Variants in DOCK9 observed in about 807,000 individuals in gnomAD.
DOCK9 encodes dedicator of cytokinesis protein 9.
In DOCK9, 89 loss-of-function variants were observed where a neutral mutation model predicts 263.3. That is an observed-to-expected ratio of 0.34 (90% confidence interval 0.28 to 0.40). The LOEUF is 0.40. Among genes scored for constraint, DOCK9 ranks in the 10% least tolerant of loss-of-function variants. DOCK9 has a pLI of 1.00. For missense variants in DOCK9, 2,140 were observed against 2,603.4 expected (o/e 0.82, Z 3.87); for synonymous variants, 976 against 973.1 (o/e 1.00, Z -0.06).
intron 24 of DOCK9, 109 bp from the exon 25 acceptor site, chr13:98,881,736 A>G (rs2044794497): frequency 1.5e-6 from 2 of 1,290,382 alleles, no homozygotes; most frequent in Non-Finnish European, 2.2e-6. Context: ...CTTAGGAAAC[A>G]AGGAGACAAG....
chr13:98,810,320 A>C (rs765011416), intron 45 of DOCK9, 29 bp from the exon 46 acceptor site: 1 of 1,611,472 alleles, frequency 6.2e-7, no homozygotes, highest in African/African-American at 1.3e-5. Context: ...CAACAGCAAG[A>C]GAAGAGCGTT....
intron 49 of DOCK9, among the ~76,000 whole-genome samples, chr13:98,802,243 T>A (rs1203196076): frequency 1.3e-5 from 2 of 152,208 alleles, no homozygotes; most frequent in Non-Finnish European, 2.9e-5. Context: ...TTATCATCTG[T>A]CTCCTCTGGC....
In DOCK9 at chr13:99,011,698, T is replaced by C. The variant is rs147418279; in HGVS notation, c.130-56147A>G. Among the ~76,000 whole-genome samples, 32 of 152,118 alleles carry C rather than the reference T, an allele frequency of 2.1e-4. No individual in the cohort carries two copies. The East Asian group carries it at 5.3e-3, about 25-fold the overall frequency. Reference sequence around the variant, plus strand: ...GGCAAGTACCATTATTATCTACAAATAGCAGATAAGGAAACTGAGGAACAG... The same window carrying C: ...GGCAAGTACCATTATTATCTACAAACAGCAGATAAGGAAACTGAGGAACAG... On this transcript the variant is annotated intron_variant, in intron 1 of 32. Coordinates refer to the DOCK9 transcript ENST00000427887.
At chr13:98,844,409 G>A (rs1220346543) in intron 38 of DOCK9, among the ~76,000 whole-genome samples, 2 of 151,932 alleles carry the variant, frequency 1.3e-5, no homozygotes, top group Non-Finnish European at 2.9e-5. Context: ...TGTCACCCAG[G>A]CTGGAGTGCA....
Position 99,013,164 on chromosome 13 carries a change from T to C in DOCK9, c.130-57613A>G, listed in dbSNP as rs563342412. ...TGTTTCCCAGGCTGGAGTGCAGTGGTGCACTCACAGCTCACTGTAAACTTG... is the reference window on the plus strand; with the variant it reads ...TGTTTCCCAGGCTGGAGTGCAGTGGCGCACTCACAGCTCACTGTAAACTTG... On this transcript the variant is annotated intron_variant, in intron 1 of 32. Transcript: ENST00000427887. Among the ~76,000 whole-genome samples, 148 of 152,244 alleles carry C rather than the reference T, an allele frequency of 9.7e-4. 2 individuals carry two copies. The highest frequency in any genetic ancestry group is 3.4e-3 in the African/African-American group (141 of 41,542).
At chr13:98,833,596 A>G (rs1297871512) in intron 39 of DOCK9, among the ~76,000 whole-genome samples, 2 of 152,086 alleles carry the variant, frequency 1.3e-5, no homozygotes, top group African/African-American at 4.8e-5. Flanking sequence ...TGATCTCAAA[A>G]CTTGTTTGCA....
chr13:98,981,586 C>T (rs1466643050), upstream of DOCK9, among the ~76,000 whole-genome samples: 1 of 152,210 alleles, frequency 6.6e-6, no homozygotes, highest in Non-Finnish European at 1.5e-5. Flanking sequence ...GCTGGCCCAC[C>T]TTATGAAAGA....
intron 30 of DOCK9, among the ~76,000 whole-genome samples, chr13:98,865,600 A>G (rs2093998374): frequency 6.6e-6 from 1 of 152,144 alleles, no homozygotes; most frequent in Non-Finnish European, 1.5e-5. Flanking sequence ...AGTCTATAAG[A>G]GCTTGTGCTG....
chr13:98,881,996 C>T lies in DOCK9; in HGVS notation c.2571G>A (p.Ala857=), dbSNP rs763889573. ...AGGCGATCATCACGTGGCCTTCCAT[C>T]GCATGCAGACTCTACGGACACAGAA... The part of the protein sequence containing the change: ...ELVKYLKSLH[A]MEGHVMIAFL... The change falls in exon 24 of 53, where the codon GCG becomes GCA. Residue 857 remains alanine, a synonymous_variant. Transcript: ENST00000682017. 1.4e-5 allele frequency: 22 copies of T among 1,588,590 alleles called. No individual in the cohort carries two copies. Among genetic ancestry groups the T allele is most frequent in the Admixed American group, 1.8e-5 (1 of 56,288 alleles).
At chr13:98,799,398 T>C (rs1437059889) in intron 50 of DOCK9, among the ~76,000 whole-genome samples, 3 of 152,118 alleles carry the variant, frequency 2.0e-5, no homozygotes, top group African/African-American at 7.2e-5. Context: ...TATATACACT[T>C]AAAAATACCA....
At chr13:99,072,651 C>A (rs769168563) in intron 1 of DOCK9, among the ~76,000 whole-genome samples, 1 of 152,142 alleles carries the variant, frequency 6.6e-6, no homozygotes, top group East Asian at 1.9e-4. Flanking sequence ...AAAGAAAACA[C>A]CCATTCTAAA....
chr13:98,865,595 A>G (rs561585758), intron 30 of DOCK9, among the ~76,000 whole-genome samples: 2 of 152,306 alleles, frequency 1.3e-5, no homozygotes, highest in East Asian at 3.9e-4. Flanking sequence ...CTAGAAGTCT[A>G]TAAGAGCTTG....
chr13:98,883,805 G>C lies in DOCK9; in HGVS notation c.2469+8C>G. On this transcript the variant is annotated splice_region_variant and intron_variant, in intron 22 of 52. Coordinates refer to ENST00000682017, the MANE Select transcript of DOCK9 (RefSeq NM_001366683.2). ...AGCAACTGCTAATTTTGTTGAAGGA[G>C]CACATACCTGAGTATACACTGTAGA... The C allele has an allele frequency of 6.3e-7, 1 of 1,587,764 alleles. No individual in the cohort carries two copies. The highest frequency in any genetic ancestry group is 8.6e-7 in the Non-Finnish European group (1 of 1,168,578).
chr13:98,928,004 C>CAAAAAAAAAAAAAAA (rs74265290), intron 3 of DOCK9, among the ~76,000 whole-genome samples: 1 of 62,238 alleles, frequency 1.6e-5, no homozygotes, highest in Non-Finnish European at 4.1e-5. Flanking sequence ...ATCGCACATA[C>CAAAAAAAAAAAAAAA]AAAAAAAAAA....
intron 27 of DOCK9, among the ~76,000 whole-genome samples, chr13:98,879,209 T>C (rs1181455842): frequency 3.9e-5 from 6 of 152,156 alleles, no homozygotes; most frequent in African/African-American, 1.4e-4. Context: ...CACACCTCAG[T>C]GGGCACCAGT....
Position 98,803,602 on chromosome 13 carries a change from T to TA in DOCK9, c.5725+1396dup, listed in dbSNP as rs983768939. 3.3e-4 allele frequency among the ~76,000 whole-genome samples: 50 copies of TA among 152,234 alleles called. 1 individual carries two copies. Among genetic ancestry groups the TA allele is most frequent in the Admixed American group, 3.3e-3 (50 of 15,300 alleles). On this transcript the variant is annotated intron_variant, in intron 49 of 52. Coordinates refer to ENST00000682017, the MANE Select transcript of DOCK9 (RefSeq NM_001366683.2). Reference sequence around the variant, plus strand: ...GACCAACCTTGGGTAACCACTGACTTAAAGGGTCAGAAGGAAAGTTATCAC... The same window carrying TA: ...GACCAACCTTGGGTAACCACTGACTTAAAAGGGTCAGAAGGAAAGTTATCAC...
intron 1 of DOCK9, among the ~76,000 whole-genome samples, chr13:99,004,197 G>C (rs1447481133): frequency 6.6e-6 from 1 of 152,092 alleles, no homozygotes; most frequent in Non-Finnish European, 1.5e-5. Flanking sequence ...ATCCCACGTG[G>C]CAGCCTTATG....
At chr13:98,953,867 T>C (rs529648943) in intron 2 of DOCK9, among the ~76,000 whole-genome samples, 3 of 152,360 alleles carry the variant, frequency 2.0e-5, no homozygotes, top group Non-Finnish European at 4.4e-5. Context: ...ACCACACGAA[T>C]GGTCAATTTC....
chr13:98,960,104 G>T (rs1372794924), intron 1 of DOCK9, among the ~76,000 whole-genome samples: 1 of 152,182 alleles, frequency 6.6e-6, no homozygotes, highest in African/African-American at 2.4e-5. Context: ...GCCTGGCACA[G>T]ATCTGGCACA....
Sources: gnomAD v4.1 joint callset for allele counts (sites outside exome capture counted in the v4.1 genomes callset) on GRCh38, gnomAD v4.1.1 for gene constraint, MANE v1.5 for transcripts, NCBI Gene and HGNC (gene_info 2026-07-23, HGNC 2026-07-21) for gene names.